RORA: variants seen among roughly 807,000 people sequenced by gnomAD.
RORA encodes RAR related orphan receptor A, also known as nuclear receptor ROR-alpha.
In RORA, 7 loss-of-function variants were observed where a neutral mutation model predicts 69.5. The ratio of observed to expected loss-of-function variants is 0.10; its 90% CI spans 0.06 to 0.19. The LOEUF (loss-of-function observed/expected upper bound fraction) is 0.19, where lower values mean the gene tolerates loss of function less well. Among genes scored for constraint, RORA ranks in the 10% least tolerant of loss-of-function variants. The pLI is 1.00. For synonymous variants in RORA, 261 were observed against 240.8 expected, an observed-to-expected ratio of 1.08 and a Z score of -0.78; for missense variants, 457 against 663.0, an observed-to-expected ratio of 0.69 and a Z score of 3.41.
chr15:60,523,414 T>C (rs551019885), intron 3 of RORA, among the ~76,000 whole-genome samples: 21 of 152,310 alleles, frequency 1.4e-4, no homozygotes, highest in African/African-American at 3.8e-4. Flanking sequence ...ATAAAGAATA[T>C]TGTATATTTT....
chr15:61,029,658 G>A (rs1207320415), intron 1 of RORA, among the ~76,000 whole-genome samples: 1 of 152,168 alleles, frequency 6.6e-6, no homozygotes, highest in African/African-American at 2.4e-5. Context: ...TAAATCAACA[G>A]GACAGGGTGA....
At chr15:60,971,115 AGTC>A in intron 1 of RORA, among the ~76,000 whole-genome samples, 1 of 152,226 alleles carries the variant, frequency 6.6e-6, no homozygotes, top group East Asian at 1.9e-4. Flanking sequence ...AAATATGAAG[AGTC>A]CAAAATGTCA....
chr15:60,949,181 T>A (rs1246503105), intron 1 of RORA, among the ~76,000 whole-genome samples: 2 of 152,128 alleles, frequency 1.3e-5, no homozygotes, highest in African/African-American at 2.4e-5. Flanking sequence ...CCCTATGACA[T>A]GGCCCCTTCC....
chr15:61,192,823 T>C (rs754961953), intron 1 of RORA, among the ~76,000 whole-genome samples: 15 of 152,176 alleles, frequency 9.9e-5, no homozygotes, highest in Non-Finnish European at 1.9e-4. Flanking sequence ...ACCCTTAACA[T>C]CTCAGTCTAC....
chr15:60,802,488 A>G (rs1412841007), intron 1 of RORA, among the ~76,000 whole-genome samples: 2 of 152,222 alleles, frequency 1.3e-5, no homozygotes, highest in Admixed American at 6.5e-5. Context: ...CTTCCCCTGC[A>G]GAAGCTTTGC....
chr15:60,519,734 T>C (rs2066096092), intron 3 of RORA, among the ~76,000 whole-genome samples: 1 of 152,136 alleles, frequency 6.6e-6, no homozygotes, highest in Non-Finnish European at 1.5e-5. Context: ...CATAAGAAAA[T>C]CAGTCTCATG....
chr15:60,636,803 C>T (rs1012973712), intron 2 of RORA, among the ~76,000 whole-genome samples: 6 of 152,018 alleles, frequency 3.9e-5, no homozygotes, highest in East Asian at 1.9e-4. Context: ...TCTATTTTTT[C>T]GTATGCTTTT....
At chr15:60,735,132 T>A (rs1453420021) in intron 1 of RORA, among the ~76,000 whole-genome samples, 2 of 152,184 alleles carry the variant, frequency 1.3e-5, no homozygotes, top group African/African-American at 4.8e-5. Flanking sequence ...TCACTGAGCC[T>A]GCAATTCAAG....
rs74921622 is a variant in RORA, at chr15:60,669,335, G to GT, written c.196+9321dup. Among the ~76,000 whole-genome samples, 241 of 103,116 alleles carry GT rather than the reference G, an allele frequency of 2.3e-3. 3 individuals carry two copies. Among genetic ancestry groups the GT allele is most frequent in the South Asian group, 0.011 (30 of 2,644 alleles). The allele number at this position is 103,116 out of a possible 152,430, so 67.6% of individuals were successfully genotyped here. On this transcript the variant is annotated intron_variant, in intron 2 of 10. Coordinates refer to ENST00000335670, the MANE Select transcript of RORA (RefSeq NM_134261.3). ...ACCAGATCTCTCCTTCCCAATAAGC[G>GT]TTTTTTTGTTTGTTTGTTTGTTTGT...
chr15:60,654,386 G>A (rs950798895), intron 2 of RORA, among the ~76,000 whole-genome samples: 3 of 152,070 alleles, frequency 2.0e-5, no homozygotes, highest in African/African-American at 7.2e-5. Context: ...TGCATGACTA[G>A]AATAAAGCAT....
intron 2 of RORA, among the ~76,000 whole-genome samples, chr15:60,660,564 G>A (rs1056356749): frequency 1.3e-5 from 2 of 152,084 alleles, no homozygotes; most frequent in African/African-American, 4.8e-5. Context: ...TGCTGGCAAC[G>A]AGGACATCTT....
intron 1 of RORA, among the ~76,000 whole-genome samples, chr15:60,917,892 G>T (rs940715646): frequency 2.6e-5 from 4 of 152,224 alleles, no homozygotes; most frequent in Admixed American, 2.6e-4. Flanking sequence ...GCGTGACAGC[G>T]TCTCTGCTAT....
At chr15:60,596,537 T>C (rs1292688937) in intron 2 of RORA, among the ~76,000 whole-genome samples, 3 of 152,006 alleles carry the variant, frequency 2.0e-5, no homozygotes, top group African/African-American at 7.3e-5. Context: ...AAAGCAAGGA[T>C]ACTTGGGAAG....
intron 1 of RORA, among the ~76,000 whole-genome samples, chr15:61,134,304 C>T (rs1215864431): frequency 3.3e-5 from 5 of 152,276 alleles, no homozygotes; most frequent in Admixed American, 6.5e-5. Flanking sequence ...AAAAAGATTC[C>T]CTTTCCCACT....
chr15:60,902,205 T>C (rs1171978003), intron 1 of RORA, among the ~76,000 whole-genome samples: 1 of 152,202 alleles, frequency 6.6e-6, no homozygotes, highest in Non-Finnish European at 1.5e-5. Context: ...CCTTGTAGTG[T>C]CATATGGTCA....
intron 1 of RORA, among the ~76,000 whole-genome samples, chr15:61,071,682 GA>G (rs1349284371): frequency 1.1e-5 from 1 of 94,970 alleles, no homozygotes; most frequent in African/African-American, 4.0e-5. Flanking sequence ...GGAGAGGGGG[GA>G]GAGGGGAGGG....
At chr15:60,613,696 C>CTGTGTGTGTGTGTGTG (rs66616801) in intron 2 of RORA, among the ~76,000 whole-genome samples, 2 of 125,324 alleles carry the variant, frequency 1.6e-5, no homozygotes, top group Non-Finnish European at 3.3e-5. Context: ...AATTTGATAT[C>CTGTGTGTGTGTGTGTG]TGTGTGTGTG....
At chr15:60,887,185 A>C (rs936149411) in intron 1 of RORA, among the ~76,000 whole-genome samples, 1 of 152,194 alleles carries the variant, frequency 6.6e-6, no homozygotes, top group Non-Finnish European at 1.5e-5. Context: ...AGTTGGAATT[A>C]GAAAAAAAAG....
Position 60,615,520 on chromosome 15 carries a change from C to T in RORA, c.196+63137G>A, listed in dbSNP as rs137965631. On this transcript the variant is annotated intron_variant, in intron 2 of 10. Coordinates refer to ENST00000335670, the MANE Select transcript of RORA (RefSeq NM_134261.3). The stretch of plus-strand genomic sequence containing the variant: ...CTGTACCGGGGGCTCCAGCAGCAGC[C>T]GGGGAGGAGAAGGCTGATAATGGGA... Among the ~76,000 whole-genome samples the T allele has an allele frequency of 2.7e-4, 41 of 152,194 alleles. 1 individual carries two copies. Among genetic ancestry groups the T allele is most frequent in the Middle Eastern group, 3.4e-3 (1 of 294 alleles).
Sources: allele counts gnomAD v4.1 joint callset (sites outside exome capture counted in the v4.1 genomes callset), GRCh38; gene constraint gnomAD v4.1.1; transcripts MANE v1.5; gene names NCBI Gene and HGNC (gene_info 2026-07-23, HGNC 2026-07-21).